The following SPOCK1 variants were observed in gnomAD, a reference collection of about 807,000 sequenced individuals.
The protein encoded by SPOCK1 is SPARC (osteonectin), cwcv and kazal like domains proteoglycan 1.
SPOCK1 carries 23 observed loss-of-function variants against 55.3 expected under a neutral mutation model. That is an observed-to-expected ratio of 0.42 (90% CI 0.30 to 0.59). The LOEUF (loss-of-function observed/expected upper bound fraction) is 0.59. Ranked by LOEUF, SPOCK1 falls within the 20% of genes least tolerant of loss-of-function variation. The pLI, the probability that SPOCK1 is intolerant of heterozygous loss-of-function variation, is 0.22. For synonymous variants in SPOCK1, 226 were observed against 221.0 expected (o/e 1.02, Z -0.20); for missense variants, 499 against 552.5 (o/e 0.90, Z 0.97).
intron 3 of SPOCK1, among the ~76,000 whole-genome samples, chr5:137,165,710 G>A (rs1461036504): frequency 6.6e-6 from 1 of 152,118 alleles, no homozygotes; most frequent in Non-Finnish European, 1.5e-5. Context: ...ATTTAACAAA[G>A]AGATTGAAAT....
chr5:137,147,565 C>T (rs751193546), intron 3 of SPOCK1, among the ~76,000 whole-genome samples: 4 of 152,266 alleles, frequency 2.6e-5, no homozygotes, highest in African/African-American at 4.8e-5. Context: ...GGTCTTTCCT[C>T]GATGCAAGCA....
intron 6 of SPOCK1, among the ~76,000 whole-genome samples, chr5:137,042,693 T>C (rs951156203): frequency 1.3e-5 from 2 of 152,068 alleles, no homozygotes; most frequent in African/African-American, 4.8e-5. Context: ...GGATAGTGGA[T>C]GGTGGGAGCC....
intron 2 of SPOCK1, among the ~76,000 whole-genome samples, chr5:137,495,619 G>A (rs1458296290): frequency 1.3e-5 from 2 of 152,234 alleles, no homozygotes; most frequent in African/African-American, 2.4e-5. Context: ...AGAAGCTGAG[G>A]CTTTGTCAAC....
intron 3 of SPOCK1, among the ~76,000 whole-genome samples, chr5:137,214,007 G>A (rs555392701): frequency 9.9e-5 from 15 of 152,248 alleles, no homozygotes; most frequent in African/African-American, 3.6e-4. Flanking sequence ...AAAGAAAACT[G>A]CAACCAAAAC....
intron 2 of SPOCK1, among the ~76,000 whole-genome samples, chr5:137,361,139 T>C (rs1303345777): frequency 5.9e-5 from 9 of 152,184 alleles, no homozygotes; most frequent in Non-Finnish European, 1.2e-4. Context: ...AGAGAGAAGT[T>C]AGCCATCTGC....
intron 2 of SPOCK1, among the ~76,000 whole-genome samples, chr5:137,439,469 T>C (rs891859761): frequency 1.3e-5 from 2 of 151,928 alleles, no homozygotes; most frequent in African/African-American, 2.4e-5. Context: ...CCTCCAGAGG[T>C]AGGGGGTGAG....
chr5:137,023,214 C>T (rs1301403697), intron 6 of SPOCK1, among the ~76,000 whole-genome samples: 1 of 152,192 alleles, frequency 6.6e-6, no homozygotes, highest in Non-Finnish European at 1.5e-5. Flanking sequence ...AATGAATTAA[C>T]ATATATAGTT....
In SPOCK1 at chr5:136,978,772, T is replaced by C; in HGVS notation, c.1202A>G (p.Glu401Gly). The C allele has an allele frequency of 6.2e-7, 1 of 1,614,032 alleles. No homozygotes were observed. The highest frequency in any genetic ancestry group is 8.5e-7 in the Non-Finnish European group (1 of 1,179,998). ...SVVLLDDLEY[E>G]RELGPKDKEG... is the part of the protein sequence containing the mutation. ...TTTGTCCTTTGGTCCCAGCTCCCGT[T>C]CATATTCTAGGTCATCCAGCAGGAC... Residue 401 changes from glutamate (E) to glycine (G), a missense_variant, in exon 11 of 11, where the codon GAA (glutamate) becomes GGA (glycine). By Grantham distance (98) the Glu-to-Gly change is moderately conservative. Coordinates refer to ENST00000394945, the MANE Select transcript of SPOCK1 (RefSeq NM_004598.4).
chr5:137,372,767 A>G (rs530343008), intron 2 of SPOCK1, among the ~76,000 whole-genome samples: 3 of 152,374 alleles, frequency 2.0e-5, no homozygotes, highest in African/African-American at 7.2e-5. Context: ...GAATGGGTAC[A>G]CACACTTAAT....
At chr5:137,439,169 G>A (rs1347877837) in intron 2 of SPOCK1, among the ~76,000 whole-genome samples, 1 of 151,440 alleles carries the variant, frequency 6.6e-6, no homozygotes, top group Non-Finnish European at 1.5e-5. Flanking sequence ...CAGAGGATGG[G>A]GATGTTGCAT....
chr5:137,485,453 A>G (rs1002509621), intron 2 of SPOCK1, among the ~76,000 whole-genome samples: 3 of 152,356 alleles, frequency 2.0e-5, no homozygotes, highest in African/African-American at 4.8e-5. Context: ...GTGAACCTTC[A>G]TATATGAATG....
At chr5:137,484,893 A>G (rs928187488) in intron 2 of SPOCK1, among the ~76,000 whole-genome samples, 1 of 152,180 alleles carries the variant, frequency 6.6e-6, no homozygotes, top group Non-Finnish European at 1.5e-5. Flanking sequence ...ACCTTACTAA[A>G]ATGTTTATGT....
intron 2 of SPOCK1, among the ~76,000 whole-genome samples, chr5:137,442,990 C>T (rs986090525): frequency 6.6e-6 from 1 of 152,190 alleles, no homozygotes; most frequent in Non-Finnish European, 1.5e-5. Context: ...TCCAATTTGA[C>T]ATCTGCCCAA....
intron 5 of SPOCK1, among the ~76,000 whole-genome samples, chr5:137,075,992 G>A (rs1752751388): frequency 6.6e-6 from 1 of 152,216 alleles, no homozygotes; most frequent in African/African-American, 2.4e-5. Context: ...GTGCAGATGA[G>A]GAAGGACTTG....
rs142437876 is a variant in SPOCK1, at chr5:137,320,630, A to G, written c.187-53575T>C. ...AATACCTCATACAGACACCAGAGGGAGCAAGAGGCTACAAGCGCCTGAAAA... is the reference window on the plus strand; with the variant it reads ...AATACCTCATACAGACACCAGAGGGGGCAAGAGGCTACAAGCGCCTGAAAA... On this transcript the variant is annotated intron_variant, in intron 2 of 10. Transcript: ENST00000394945. 3.7e-3 allele frequency among the ~76,000 whole-genome samples: 570 copies of G among 152,366 alleles called. 9 individuals are homozygous for G. The highest frequency in any genetic ancestry group is 0.014 in the Middle Eastern group (4 of 294).
chr5:137,301,461 T>C (rs1256557808), intron 2 of SPOCK1, among the ~76,000 whole-genome samples: 2 of 152,246 alleles, frequency 1.3e-5, no homozygotes, highest in South Asian at 4.1e-4. Context: ...TTCAGAAGCA[T>C]GAACAGCTCC....
intron 3 of SPOCK1, among the ~76,000 whole-genome samples, chr5:137,186,557 G>A (rs1434883100): frequency 6.6e-6 from 1 of 152,226 alleles, no homozygotes; most frequent in Admixed American, 6.5e-5. Flanking sequence ...ATGGGAAGGG[G>A]ACAGAAGACA....
rs1750670595 is a variant in SPOCK1, at chr5:136,978,897, C to T, written c.1130-53G>A. 6 of 1,531,230 alleles carry T rather than the reference C, an allele frequency of 3.9e-6. No individual in the cohort carries two copies. The East Asian group carries it at 1.4e-4, about 35-fold the overall frequency. The allele number at this position is 1,531,230 out of a possible 1,614,324, so 94.9% of individuals were successfully genotyped here. On this transcript the variant is annotated intron_variant, in intron 10 of 10. Coordinates refer to ENST00000394945, the MANE Select transcript of SPOCK1 (RefSeq NM_004598.4). ...TAGTTTCCACTTATACCTCATGACC[C>T]ACGTCAGGGGTTCCTTTGCCTGAAT...
In SPOCK1 at chr5:137,384,595, T is replaced by C. The variant is rs565866515; in HGVS notation, c.186+113778A>G. Among the ~76,000 whole-genome samples the C allele has an allele frequency of 7.5e-4, 106 of 141,894 alleles. 2 individuals carry two copies. The highest frequency in any genetic ancestry group is 3.7e-3 in the Middle Eastern group (1 of 272). 93.1% of individuals were successfully genotyped at this position (141,894 alleles called of 152,430 possible). A position where few individuals can be genotyped will look rare whatever the true frequency, so the allele number is the denominator to read the frequency against. ...ATATATATATGTATGTATTTTTTTT[T>C]CCCCCTGGAGGCCAGAAGCTCACAA... is the stretch of plus-strand genomic sequence containing the variant. On this transcript the variant is annotated intron_variant, in intron 2 of 10. Coordinates refer to ENST00000394945, the MANE Select transcript of SPOCK1 (RefSeq NM_004598.4).
Sources: gnomAD v4.1 joint callset for allele counts (sites outside exome capture counted in the v4.1 genomes callset) on GRCh38, gnomAD v4.1.1 for gene constraint, MANE v1.5 for transcripts, NCBI Gene and HGNC (gene_info 2026-07-23, HGNC 2026-07-21) for gene names.